Variants in PCMTD2 observed in about 807,000 individuals in gnomAD.
The protein encoded by PCMTD2 is protein-L-isoaspartate (D-aspartate) O-methyltransferase domain containing 2.
Under a neutral mutation model 33.4 loss-of-function variants are expected in PCMTD2, and 16 were observed. That is an observed-to-expected ratio of 0.48 (90% CI 0.32 to 0.73). The LOEUF is 0.73. PCMTD2 is among the 30% of genes least tolerant of loss of function. PCMTD2 has a pLI of 0.03. For missense variants in PCMTD2, 374 were observed against 449.9 expected, an observed-to-expected ratio of 0.83 and a Z score of 1.53; for synonymous variants, 161 against 160.8, an observed-to-expected ratio of 1.00 and a Z score of -0.01.
At chr20:64,271,915 G>A (rs1985926902) in intron 5 of PCMTD2, 1 of 216,814 alleles carries the variant, frequency 4.6e-6, no homozygotes, top group African/African-American at 2.3e-5. Flanking sequence ...AGTGGCTCTG[G>A]AAGTAATCTG....
chr20:64,255,985 C>A (rs891011344), intron 1 of PCMTD2, 115 bp downstream of exon 1: 46 of 151,874 alleles, frequency 3.0e-4, no homozygotes, highest in African/African-American at 1.0e-3. Flanking sequence ...GCGCCCGGAG[C>A]TCTCCTCTGG....
At chr20:64,272,058 C>G in intron 5 of PCMTD2, 1 of 384,138 alleles carries the variant, frequency 2.6e-6, no homozygotes, top group Non-Finnish European at 5.2e-6. Flanking sequence ...GTGCCGGAGC[C>G]TGTCCTGGAG....
At chr20:64,270,578 T>C (rs974371599) in intron 5 of PCMTD2, among the ~76,000 whole-genome samples, 23 of 151,868 alleles carry the variant, frequency 1.5e-4, no homozygotes, top group Non-Finnish European at 2.8e-4. Flanking sequence ...TGAAGATATG[T>C]GTGGTGTGGG....
chr20:64,265,065 A>G (rs1340226009), intron 3 of PCMTD2, among the ~76,000 whole-genome samples, 193 bp from the exon 4 acceptor site: 1 of 152,232 alleles, frequency 6.6e-6, no homozygotes, highest in Non-Finnish European at 1.5e-5. Flanking sequence ...TGGTATTTCT[A>G]GAGTTCTAGT....
intron 5 of PCMTD2, among the ~76,000 whole-genome samples, chr20:64,268,651 G>A (rs1039862469): frequency 6.6e-6 from 1 of 151,700 alleles, no homozygotes; most frequent in Non-Finnish European, 1.5e-5. Context: ...AAACTATCAG[G>A]ATGCTCTCTG....
chr20:64,268,648 C>T (rs1484842730), intron 5 of PCMTD2, among the ~76,000 whole-genome samples: 1 of 151,320 alleles, frequency 6.6e-6, no homozygotes. Flanking sequence ...ATAAAACTAT[C>T]AGGATGCTCT....
At chr20:64,273,179 A>G (rs373264700) in intron 5 of PCMTD2, 42 bp from the exon 6 acceptor site, 1 of 1,559,466 alleles carries the variant, frequency 6.4e-7, no homozygotes, top group Non-Finnish European at 8.7e-7. Context: ...TGGTGGTGTC[A>G]CTCCGATGCA....
intron 5 of PCMTD2, among the ~76,000 whole-genome samples, chr20:64,269,706 G>A (rs1007777008): frequency 6.6e-6 from 1 of 151,800 alleles, no homozygotes; most frequent in Admixed American, 6.6e-5. Flanking sequence ...GTGTAGACGT[G>A]TGTGGTGTGG....
Position 64,273,267 on chromosome 20 carries a change from C to A in PCMTD2, c.753C>A (p.Ile251=). The A allele has an allele frequency of 6.2e-7, 1 of 1,614,024 alleles. No individual in the cohort carries two copies. The highest frequency in any genetic ancestry group is 8.5e-7 in the Non-Finnish European group (1 of 1,179,908). Residue 251 remains isoleucine (I), a synonymous_variant, in exon 6 of 6, where the codon ATC becomes ATA. Transcript: ENST00000308824. ...TCCAGGACTTGGCTCGCATCGCCAT[C>A]CGGGGCACCATTAAAAAGATTATTC... ...RSLQDLARIA[I]RGTIKKIIHQ...
chr20:64,269,381 G>T (rs1985791608), intron 5 of PCMTD2, among the ~76,000 whole-genome samples: 1 of 152,184 alleles, frequency 6.6e-6, no homozygotes, highest in African/African-American at 2.4e-5. Flanking sequence ...TTCCCTGTGG[G>T]GTTCGTCTGG....
Position 64,274,896 on chromosome 20 carries a change from AC to A in PCMTD2, c.*1299del, listed in dbSNP as rs1446623349. ...GGTTCTTTTTAAAACATTTTTTTTTACCCAAAGAAAAGAATAATAGAAATTA... is the reference window on the plus strand; with the variant it reads ...GGTTCTTTTTAAAACATTTTTTTTTACCAAAGAAAAGAATAATAGAAATTA... On this transcript the variant is annotated 3_prime_UTR_variant, in exon 6 of 6. Transcript: ENST00000308824. The A allele has an allele frequency of 1.3e-5, 2 of 152,088 alleles. No homozygotes were observed. The highest frequency in any genetic ancestry group is 2.9e-5 in the Non-Finnish European group (2 of 68,006). 9.4% of individuals were successfully genotyped at this position (152,088 alleles called of 1,614,324 possible).
At chr20:64,269,688 CAA>C (rs1217804846) in intron 5 of PCMTD2, among the ~76,000 whole-genome samples, 12 of 151,522 alleles carry the variant, frequency 7.9e-5, no homozygotes, top group Admixed American at 2.6e-4. Context: ...AATATGGGGT[CAA>C]AGTGAGTGTA....
At chr20:64,261,602 GTTTT>G (rs11474881) in intron 2 of PCMTD2, among the ~76,000 whole-genome samples, 1 of 150,120 alleles carries the variant, frequency 6.7e-6, no homozygotes, top group East Asian at 2.0e-4. Context: ...TGATAATTTT[GTTTT>G]TTTTTTCTAA....
rs115324803 is a variant in PCMTD2 at position 64,268,800 on chromosome 20, G to A, written c.706+790G>A. ...TCCAGAAAGGTTTTTTGATTTATTA[G>A]GAATCACCTATGAAATGATTACACT... On this transcript the variant is annotated intron_variant, in intron 5 of 5. Transcript: ENST00000308824. Among the ~76,000 whole-genome samples the A allele has an allele frequency of 1.2e-3, 186 of 151,792 alleles. 2 individuals are homozygous for A. Among genetic ancestry groups the A allele is most frequent in the African/African-American group, 4.4e-3 (181 of 41,432 alleles).
At chr20:64,256,453 C>G (rs965381782) in intron 1 of PCMTD2, 1 of 152,180 alleles carries the variant, frequency 6.6e-6, no homozygotes, top group African/African-American at 2.4e-5. Context: ...TTTGCTCCAG[C>G]GTTGCACCTC....
chr20:64,274,899 C>T lies in PCMTD2; in HGVS notation c.*1299C>T, dbSNP rs2145772517. 6.6e-6 allele frequency: 1 copy of T among 152,052 alleles called. No individual in the cohort carries two copies. The highest frequency in any genetic ancestry group is 6.5e-5 in the Admixed American group (1 of 15,280). 9.4% of individuals were successfully genotyped at this position (152,052 alleles called of 1,614,324 possible). A position where few individuals can be genotyped will look rare whatever the true frequency, so the allele number is the denominator to read the frequency against. Reference sequence around the variant, plus strand: ...TCTTTTTAAAACATTTTTTTTTACCCAAAGAAAAGAATAATAGAAATTACT... The same window carrying T: ...TCTTTTTAAAACATTTTTTTTTACCTAAAGAAAAGAATAATAGAAATTACT... On this transcript the variant is annotated 3_prime_UTR_variant, in exon 6 of 6. Transcript: ENST00000308824.
chr20:64,264,289 A>G, intron 2 of PCMTD2, 140 bp from the exon 3 acceptor site: 1 of 591,866 alleles, frequency 1.7e-6, no homozygotes, highest in Non-Finnish European at 3.0e-6. Flanking sequence ...GAGCCGTGAT[A>G]CTGTGATGAG....
At chr20:64,259,083 T>C (rs958000421) in intron 1 of PCMTD2, among the ~76,000 whole-genome samples, 2 of 152,186 alleles carry the variant, frequency 1.3e-5, no homozygotes, top group African/African-American at 4.8e-5. Flanking sequence ...TTTAAAGAGC[T>C]GGGAAAGCTG....
intron 5 of PCMTD2, among the ~76,000 whole-genome samples, chr20:64,270,467 G>A (rs1601747210): frequency 1.3e-5 from 2 of 150,402 alleles, no homozygotes; most frequent in South Asian, 2.1e-4. Context: ...ACAGTGTGAG[G>A]TCGTGTGAAT....
Sources: gnomAD v4.1 joint callset for allele counts (sites outside exome capture counted in the v4.1 genomes callset) on GRCh38, gnomAD v4.1.1 for gene constraint, MANE v1.5 for transcripts, NCBI Gene and HGNC (gene_info 2026-07-23, HGNC 2026-07-21) for gene names.